Variants in TNFSF4 observed in about 807,000 individuals in gnomAD.
The protein encoded by TNFSF4 is TNF superfamily member 4.
In TNFSF4, 4 loss-of-function variants were observed where a neutral mutation model predicts 7.3. That is an observed-to-expected ratio of 0.55 (90% CI 0.27 to 1.25). TNFSF4 has a LOEUF of 1.25. Ranked by LOEUF, TNFSF4 falls within the 50% of genes most tolerant of loss-of-function variation. The pLI is 0.12. For missense variants in TNFSF4, 181 were observed against 208.8 expected (o/e 0.87, Z 0.82); for synonymous variants, 76 against 83.7 (o/e 0.91, Z 0.50).
the TNFSF4 span, among the ~76,000 whole-genome samples, chr1:173,269,012 A>C: frequency 2.0e-5 from 3 of 152,120 alleles, no homozygotes; most frequent in Non-Finnish European, 2.9e-5. Flanking sequence ...TCAATGATGC[A>C]GTTCAGATAG....
At chr1:173,229,261 G>C in the TNFSF4 span, among the ~76,000 whole-genome samples, 1 of 152,212 alleles carries the variant, frequency 6.6e-6, no homozygotes, top group East Asian at 1.9e-4. Flanking sequence ...AGCCAGAAGA[G>C]AGTGGGGGCC....
At chr1:173,321,416 G>A in the TNFSF4 span, among the ~76,000 whole-genome samples, 2 of 152,088 alleles carry the variant, frequency 1.3e-5, no homozygotes, top group Admixed American at 1.3e-4. Flanking sequence ...ACATAGGCAT[G>A]GGCAAGGAGT....
At chr1:173,392,093 G>A in the TNFSF4 span, among the ~76,000 whole-genome samples, 1 of 152,256 alleles carries the variant, frequency 6.6e-6, no homozygotes, top group East Asian at 1.9e-4. Flanking sequence ...AAAGGCTTAT[G>A]AGAGTCAGGT....
the TNFSF4 span, among the ~76,000 whole-genome samples, chr1:173,374,516 C>A: frequency 1.3e-5 from 2 of 152,182 alleles, no homozygotes; most frequent in South Asian, 2.1e-4. Flanking sequence ...ATCAGCCAGA[C>A]CAGCCTCGAT....
the TNFSF4 span, among the ~76,000 whole-genome samples, chr1:173,267,300 T>C: frequency 2.0e-5 from 3 of 152,132 alleles, no homozygotes; most frequent in Non-Finnish European, 4.4e-5. Context: ...CATGAGATCA[T>C]CAGCAACTAA....
chr1:173,349,273 C>A, the TNFSF4 span, among the ~76,000 whole-genome samples: 1 of 152,268 alleles, frequency 6.6e-6, no homozygotes, highest in Admixed American at 6.5e-5. Context: ...CATGATCTGC[C>A]CGCCTCGGCC....
At chr1:173,174,528 G>A in the TNFSF4 span, 1 of 152,216 alleles carries the variant, frequency 6.6e-6, no homozygotes, top group African/African-American at 2.4e-5. Context: ...GGGCTGGGGA[G>A]GCATTGGGAA....
chr1:173,402,966 C>T, the TNFSF4 span, among the ~76,000 whole-genome samples: 102,908 of 151,872 alleles, frequency 0.68, 34,861 homozygotes, highest in African/African-American at 0.71. Flanking sequence ...GATCCTCCAA[C>T]CTCAGCTGCC....
At chr1:173,373,893 T>A in the TNFSF4 span, among the ~76,000 whole-genome samples, 2 of 152,148 alleles carry the variant, frequency 1.3e-5, no homozygotes, top group Non-Finnish European at 2.9e-5. Context: ...TCCCCAAAGA[T>A]TATAAAGTGA....
At chr1:173,223,913 C>T in the TNFSF4 span, among the ~76,000 whole-genome samples, 1 of 152,140 alleles carries the variant, frequency 6.6e-6, no homozygotes, top group Non-Finnish European at 1.5e-5. Context: ...CCTGGGGACC[C>T]CCAGATGATG....
At chr1:173,373,251 A>C in the TNFSF4 span, among the ~76,000 whole-genome samples, 2 of 152,244 alleles carry the variant, frequency 1.3e-5, no homozygotes, top group Non-Finnish European at 2.9e-5. Context: ...ACACTGCCAA[A>C]GCCATCAAAA....
the TNFSF4 span, among the ~76,000 whole-genome samples, chr1:173,268,313 A>G: frequency 6.6e-6 from 1 of 152,132 alleles, no homozygotes; most frequent in Non-Finnish European, 1.5e-5. Context: ...TTGATGTAAA[A>G]CTTCTAATAC....
chr1:173,333,536 G>A, the TNFSF4 span, among the ~76,000 whole-genome samples: 1 of 152,088 alleles, frequency 6.6e-6, no homozygotes, highest in South Asian at 2.1e-4. Context: ...GAGATCATGA[G>A]GATGGGGCCC....
the TNFSF4 span, among the ~76,000 whole-genome samples, chr1:173,214,739 T>C: frequency 1.3e-5 from 2 of 152,240 alleles, no homozygotes; most frequent in African/African-American, 4.8e-5. Flanking sequence ...TATTGATGAA[T>C]GGGAGTACAT....
the TNFSF4 span, among the ~76,000 whole-genome samples, chr1:173,305,990 G>A: frequency 0.039 from 5,988 of 151,814 alleles, 248 homozygotes; most frequent in African/African-American, 0.1. Flanking sequence ...AATCTTACAC[G>A]GATCTCATAG....
the TNFSF4 span, among the ~76,000 whole-genome samples, chr1:173,264,788 T>C: frequency 6.6e-6 from 1 of 152,348 alleles, no homozygotes; most frequent in African/African-American, 2.4e-5. Context: ...CTGAATGCAG[T>C]AAGGCCAACT....
the TNFSF4 span, among the ~76,000 whole-genome samples, chr1:173,339,073 A>C: frequency 4.6e-5 from 7 of 152,144 alleles, no homozygotes; most frequent in African/African-American, 1.7e-4. Context: ...CAGGAATGAC[A>C]GTTTGGATCA....
At chr1:173,412,763 T>C in the TNFSF4 span, among the ~76,000 whole-genome samples, 1 of 152,192 alleles carries the variant, frequency 6.6e-6, no homozygotes, top group Admixed American at 6.5e-5. Context: ...AGTGGAGTAT[T>C]ACAGAGAAGG....
At chr1:173,442,523 C>T in the TNFSF4 span, among the ~76,000 whole-genome samples, 2 of 143,206 alleles carry the variant, frequency 1.4e-5, no homozygotes, top group African/African-American at 5.1e-5. Flanking sequence ...GTTTGGTTTT[C>T]GGTTTTTGGT....
Sources: allele counts gnomAD v4.1 joint callset (sites outside exome capture counted in the v4.1 genomes callset), GRCh38; gene constraint gnomAD v4.1.1; transcripts MANE v1.5; gene names NCBI Gene and HGNC (gene_info 2026-07-23, HGNC 2026-07-21).